The following KRT7 variants were observed in gnomAD, a reference collection of about 807,000 sequenced individuals.
The protein encoded by KRT7 is keratin, type II cytoskeletal 7.
A neutral mutation model predicts 42.8 loss-of-function variants in KRT7; 50 were observed. The ratio of observed to expected loss-of-function variants is 1.17; its 90% CI spans 0.93 to 1.48. The LOEUF is 1.48. Ranked by LOEUF, KRT7 falls within the 40% of genes most tolerant of loss-of-function variation. KRT7 has a pLI of 0.00. For synonymous variants in KRT7, 268 were observed against 266.3 expected (o/e 1.01, Z -0.06); for missense variants, 588 against 637.6 (o/e 0.92, Z 0.84).
chr12:52,234,661 G>C (rs12307994), intron 1 of KRT7, among the ~76,000 whole-genome samples: 1 of 152,068 alleles, frequency 6.6e-6, no homozygotes, highest in African/African-American at 2.4e-5. Context: ...CAGTCATACC[G>C]GCTACTCCTT....
chr12:52,251,790 CGGCCACAT>C, downstream of KRT7: 1 of 357,310 alleles, frequency 2.8e-6, no homozygotes, highest in South Asian at 2.2e-5. Flanking sequence ...CTGCAAACTA[CGGCCACAT>C]GCAGGCTTCC....
intron 3 of KRT7, 147 bp downstream of exon 3, chr12:52,237,716 G>A: frequency 1.7e-6 from 1 of 588,228 alleles, no homozygotes; most frequent in Non-Finnish European, 3.0e-6. Flanking sequence ...CCTGTCCTGT[G>A]GGTGCGTGTA....
chr12:52,251,672 C>G, downstream of KRT7: 1 of 299,382 alleles, frequency 3.3e-6, no homozygotes. Flanking sequence ...GGACTACTGT[C>G]CTATATTCCA....
Position 52,233,458 on chromosome 12 carries a change from C to G in KRT7, c.162C>G (p.Ala54=). The G allele has an allele frequency of 6.2e-7, 1 of 1,608,512 alleles. No homozygotes were observed. The highest frequency in any genetic ancestry group is 8.5e-7 in the Non-Finnish European group (1 of 1,178,398). ...GGCCGCGCGTGGCCGTGCGCTCTGC[C>G]TATGGGGGCCCGGTGGGCGCCGGCA... ...ASRPRVAVRS[A]YGGPVGAGIR... is the part of the protein sequence containing the mutation. The change falls in exon 1 of 9, where the codon GCC becomes GCG. Residue 54 remains alanine (A), a synonymous_variant. Coordinates refer to ENST00000331817, the MANE Select transcript of KRT7 (RefSeq NM_005556.4).
chr12:52,235,070 A>G, intron 1 of KRT7, 85 bp from the exon 2 acceptor site: 2 of 1,303,104 alleles, frequency 1.5e-6, no homozygotes, highest in Non-Finnish European at 2.2e-6. Context: ...GGCTCTGCTA[A>G]GTGGCTAAAG....
chr12:52,247,391 C>T (rs544451574), intron 7 of KRT7: 1 of 152,354 alleles, frequency 6.6e-6, no homozygotes, highest in African/African-American at 2.4e-5. Context: ...CTCTCTTTCC[C>T]TCAGCCTTTG....
At chr12:52,246,384 A>G (rs142680707) in intron 7 of KRT7, 77 of 152,366 alleles carry the variant, frequency 5.1e-4, no homozygotes, top group African/African-American at 1.9e-3. Context: ...CAAAACATCC[A>G]CAGAGGAAAC....
At chr12:52,252,207 C>T, downstream of KRT7, 1 of 1,601,614 alleles carries the variant, frequency 6.2e-7, no homozygotes, top group Non-Finnish European at 8.6e-7. Context: ...TGAAGCACTG[C>T]AGCACTGCCT....
chr12:52,237,438 T>C (rs1335157560), intron 2 of KRT7, 71 bp from the exon 3 acceptor site: 1 of 1,114,280 alleles, frequency 9.0e-7, no homozygotes, highest in Non-Finnish European at 1.3e-6. Flanking sequence ...ATTTCACAGC[T>C]GCATATGGCG....
At position 52,248,691 on chromosome 12, in the gene KRT7, G is replaced by A. The variant is rs562542483; in HGVS notation, c.1341G>A (p.Ala447=). The part of the protein sequence containing the change: ...GSNALSFSSS[A]GPGLLKAYSI... ...ATGCCCTGAGCTTCTCCAGCAGTGC[G>A]GGTCCTGGGCTCCTGAAGGCTTATT... is the stretch of plus-strand genomic sequence containing the variant. The change falls in exon 9 of 9, where the codon GCG becomes GCA. Residue 447 remains alanine, a synonymous_variant. Coordinates refer to ENST00000331817, the MANE Select transcript of KRT7 (RefSeq NM_005556.4). The A allele has an allele frequency of 3.7e-6, 6 of 1,613,194 alleles. No homozygotes were observed. The highest frequency in any genetic ancestry group is 2.2e-5 in the East Asian group (1 of 44,844).
Position 52,233,434 on chromosome 12 carries a change from G to A in KRT7, c.138G>A (p.Arg46=). The A allele has an allele frequency of 2.6e-6, 4 of 1,555,678 alleles. No individual in the cohort carries two copies. The highest frequency in any genetic ancestry group is 1.2e-5 in the South Asian group (1 of 84,488). ...SSSLYGLGAS[R]PRVAVRSAYG... Reference sequence around the variant, plus strand: ...GCCTCTACGGCCTCGGCGCCTCACGGCCGCGCGTGGCCGTGCGCTCTGCCT... The same window carrying A: ...GCCTCTACGGCCTCGGCGCCTCACGACCGCGCGTGGCCGTGCGCTCTGCCT... Residue 46 remains arginine (R), a synonymous_variant, in exon 1 of 9, where the codon CGG becomes CGA. Coordinates refer to ENST00000331817, the MANE Select transcript of KRT7 (RefSeq NM_005556.4).
At chr12:52,234,830 T>C (rs11170056) in intron 1 of KRT7, among the ~76,000 whole-genome samples, 14,964 of 152,224 alleles carry the variant, frequency 0.098, 1,335 homozygotes, top group East Asian at 0.38. Context: ...TCATGATCCA[T>C]TGACAGGAAG....
intron 4 of KRT7, among the ~76,000 whole-genome samples, chr12:52,239,856 T>C (rs1037088111): frequency 1.3e-5 from 2 of 152,216 alleles, no homozygotes; most frequent in African/African-American, 2.4e-5. Flanking sequence ...CAGCTCTTTT[T>C]CTTCAAGGGG....
downstream of KRT7, among the ~76,000 whole-genome samples, chr12:52,250,263 C>A (rs907395413): frequency 6.6e-6 from 1 of 152,200 alleles, no homozygotes; most frequent in Non-Finnish European, 1.5e-5. Context: ...GGGAGAGCTG[C>A]GGGCTAGGAG....
At chr12:52,253,174 C>T, downstream of KRT7, 1 of 1,577,138 alleles carries the variant, frequency 6.3e-7, no homozygotes, top group Non-Finnish European at 8.7e-7. Context: ...GCTAACCCCA[C>T]TCTCTTCCTA....
At chr12:52,244,373 G>T (rs1942138705) in intron 6 of KRT7, 6 of 985,654 alleles carry the variant, frequency 6.1e-6, no homozygotes, top group Non-Finnish European at 7.2e-6. Flanking sequence ...ACACAACAGG[G>T]CGGATCCAGG....
chr12:52,252,834 G>A (rs750093255), downstream of KRT7, among the ~76,000 whole-genome samples: 3 of 152,070 alleles, frequency 2.0e-5, no homozygotes, highest in African/African-American at 4.8e-5. Flanking sequence ...TGCTTGCTTC[G>A]CTCATTTACT....
chr12:52,255,447 G>A (rs1565727213), downstream of KRT7: 2 of 453,398 alleles, frequency 4.4e-6, no homozygotes, highest in African/African-American at 4.0e-5. Context: ...ATCTGGGGAG[G>A]AAAAAAAATG....
intron 1 of KRT7, among the ~76,000 whole-genome samples, chr12:52,234,139 T>TCCCGCC (rs1162197296): frequency 1.1e-5 from 1 of 95,094 alleles, no homozygotes; most frequent in Admixed American, 9.5e-5. Context: ...GGGGGGGGGC[T>TCCCGCC]CCCGCCCCTC....
Sources: gnomAD v4.1 joint callset for allele counts (sites outside exome capture counted in the v4.1 genomes callset) on GRCh38, gnomAD v4.1.1 for gene constraint, MANE v1.5 for transcripts, NCBI Gene and HGNC (gene_info 2026-07-23, HGNC 2026-07-21) for gene names.